The following RBFOX1 variants were observed in gnomAD, a reference collection of about 807,000 sequenced individuals.
The protein encoded by RBFOX1 is RNA binding fox-1 homolog 1.
In RBFOX1, 8 loss-of-function variants were observed where a neutral mutation model predicts 57.7. That is an observed-to-expected ratio of 0.14 (90% confidence interval 0.08 to 0.25). The LOEUF (loss-of-function observed/expected upper bound fraction) is 0.25. Ranked by LOEUF, RBFOX1 falls within the 10% of genes least tolerant of loss-of-function variation. The pLI is 1.00. For missense variants in RBFOX1, 611 were observed against 548.5 expected (o/e 1.11, Z -1.14); for synonymous variants, 326 against 222.4 (o/e 1.47, Z -4.15).
intron 2 of RBFOX1, among the ~76,000 whole-genome samples, chr16:6,518,923 A>G (rs1259991697): frequency 6.6e-6 from 1 of 152,006 alleles, no homozygotes; most frequent in Non-Finnish European, 1.5e-5. Flanking sequence ...ATTTGGTCAG[A>G]GTTCAGCCAC....
At chr16:5,873,303 C>G (rs1167441455) in intron 4 of RBFOX1, among the ~76,000 whole-genome samples, 1 of 152,168 alleles carries the variant, frequency 6.6e-6, no homozygotes, top group Non-Finnish European at 1.5e-5. Flanking sequence ...GAAGTTCACT[C>G]CTATGACTTA....
intron 4 of RBFOX1, among the ~76,000 whole-genome samples, chr16:7,430,235 C>T (rs1258875286): frequency 6.6e-6 from 1 of 152,200 alleles, no homozygotes. Context: ...TGTCTTCACT[C>T]ATAGCCATTC....
chr16:5,878,696 GA>G (rs1295384771), intron 4 of RBFOX1, among the ~76,000 whole-genome samples: 1 of 143,954 alleles, frequency 6.9e-6, no homozygotes, highest in Non-Finnish European at 1.5e-5. Context: ...AATCGGGGTC[GA>G]AAAAAAAGAG....
chr16:7,104,649 A>G (rs2063263928), intron 4 of RBFOX1, among the ~76,000 whole-genome samples: 1 of 152,180 alleles, frequency 6.6e-6, no homozygotes, highest in Admixed American at 6.6e-5. Flanking sequence ...TTACATCGGG[A>G]CACCAGAAAG....
chr16:7,050,913 A>G (rs2049846195), intron 3 of RBFOX1, among the ~76,000 whole-genome samples: 3 of 152,168 alleles, frequency 2.0e-5, no homozygotes, highest in Non-Finnish European at 4.4e-5. Context: ...GGCATAGAAA[A>G]GCACTGATTT....
At chr16:7,369,634 C>G (rs969712195) in intron 4 of RBFOX1, among the ~76,000 whole-genome samples, 2 of 152,142 alleles carry the variant, frequency 1.3e-5, no homozygotes, top group African/African-American at 2.4e-5. Context: ...CAATTGGATT[C>G]TAACTGTAAC....
intron 3 of RBFOX1, among the ~76,000 whole-genome samples, chr16:6,916,889 G>T (rs750780961): frequency 6.6e-6 from 1 of 151,892 alleles, no homozygotes. Context: ...TCTCTCTGTT[G>T]CCCAGGCTAG....
intron 4 of RBFOX1, among the ~76,000 whole-genome samples, chr16:7,181,819 C>A (rs771487044): frequency 6.6e-6 from 1 of 152,128 alleles, no homozygotes; most frequent in South Asian, 2.1e-4. Flanking sequence ...TCTCAGCCTC[C>A]CAAAGTGCTA....
At chr16:6,700,226 A>G (rs572055574) in intron 3 of RBFOX1, among the ~76,000 whole-genome samples, 2 of 152,100 alleles carry the variant, frequency 1.3e-5, no homozygotes, top group Non-Finnish European at 2.9e-5. Flanking sequence ...TGTACCATGC[A>G]CTGTCCTTTC....
chr16:5,888,721 G>A (rs183755693), intron 4 of RBFOX1, among the ~76,000 whole-genome samples: 13 of 148,298 alleles, frequency 8.8e-5, no homozygotes, highest in Admixed American at 4.8e-4. Flanking sequence ...GCTTGAATCC[G>A]GGAGGTGGAG....
chr16:5,375,106 A>T (rs1163522319), intron 1 of RBFOX1, among the ~76,000 whole-genome samples: 1 of 149,044 alleles, frequency 6.7e-6, no homozygotes, highest in Non-Finnish European at 1.5e-5. Flanking sequence ...AAAAAAAAAA[A>T]AAAAAAATAG....
At chr16:7,390,179 TG>T (rs2097973871) in intron 4 of RBFOX1, among the ~76,000 whole-genome samples, 1 of 152,158 alleles carries the variant, frequency 6.6e-6, no homozygotes, top group East Asian at 1.9e-4. Flanking sequence ...GCAAGGGGGA[TG>T]TTTGCTCCCA....
chr16:6,711,074 G>A (rs2068575607), intron 3 of RBFOX1, among the ~76,000 whole-genome samples: 1 of 152,136 alleles, frequency 6.6e-6, no homozygotes, highest in African/African-American at 2.4e-5. Context: ...CCAAAACTCT[G>A]GAGTCTTTCT....
chr16:7,563,043 A>G (rs1158676255), intron 5 of RBFOX1, among the ~76,000 whole-genome samples: 9 of 152,172 alleles, frequency 5.9e-5, no homozygotes, highest in Non-Finnish European at 1.0e-4. Flanking sequence ...CCTCCCATGT[A>G]GGGACTAAAC....
intron 1 of RBFOX1, among the ~76,000 whole-genome samples, chr16:6,069,499 C>T (rs2095809614): frequency 6.6e-6 from 1 of 151,716 alleles, no homozygotes; most frequent in Non-Finnish European, 1.5e-5. Context: ...CCATGTCATG[C>T]CAACAGATTG....
intron 4 of RBFOX1, among the ~76,000 whole-genome samples, chr16:7,297,577 C>T (rs1017643245): frequency 6.6e-6 from 1 of 152,008 alleles, no homozygotes; most frequent in South Asian, 2.1e-4. Context: ...TAGAATATTG[C>T]AACTCAGTAG....
At chr16:5,472,179 CT>C (rs758031354) in intron 2 of RBFOX1, among the ~76,000 whole-genome samples, 1 of 152,162 alleles carries the variant, frequency 6.6e-6, no homozygotes. Context: ...GCATAATAAC[CT>C]CTGTGGTTGG....
Position 5,567,422 on chromosome 16 carries a change from C to G in RBFOX1, c.259-31480C>G, listed in dbSNP as rs150147647. ...ATAAGTCTGAACACAGCCAATCTCT[C>G]TGGGTAGATGAGTAGCCGTATAATC... is the stretch of plus-strand genomic sequence containing the variant. On this transcript the variant is annotated intron_variant, in intron 2 of 2. Coordinates refer to the RBFOX1 transcript ENST00000585867. Among the ~76,000 whole-genome samples the G allele has an allele frequency of 1.9e-3, 296 of 152,260 alleles. 4 individuals are homozygous for G. The highest frequency in any genetic ancestry group is 6.0e-3 in the African/African-American group (250 of 41,550).
intron 3 of RBFOX1, among the ~76,000 whole-genome samples, chr16:7,049,267 C>T (rs1402053665): frequency 6.6e-6 from 1 of 151,958 alleles, no homozygotes; most frequent in Non-Finnish European, 1.5e-5. Context: ...GGCAAAGTGT[C>T]AAGAGAAGAG....
Sources: allele counts gnomAD v4.1 joint callset (sites outside exome capture counted in the v4.1 genomes callset), GRCh38; gene constraint gnomAD v4.1.1; transcripts MANE v1.5; gene names NCBI Gene and HGNC (gene_info 2026-07-23, HGNC 2026-07-21).